Variants in CHCHD6 observed in about 807,000 individuals in gnomAD.
The protein encoded by CHCHD6 is coiled-coil-helix-coiled-coil-helix domain containing 6.
CHCHD6 carries 28 observed loss-of-function variants against 32.3 expected under a neutral mutation model. That is an observed-to-expected ratio of 0.87 (90% CI 0.64 to 1.19). CHCHD6 has a LOEUF of 1.19. CHCHD6 is among the 50% of genes most tolerant of loss of function. The pLI is 0.00. For missense variants in CHCHD6, 333 were observed against 307.0 expected, an observed-to-expected ratio of 1.08 and a Z score of -0.63; for synonymous variants, 122 against 117.5, an observed-to-expected ratio of 1.04 and a Z score of -0.25.
chr3:126,887,181 A>G (rs779798414), intron 5 of CHCHD6, among the ~76,000 whole-genome samples: 14 of 152,196 alleles, frequency 9.2e-5, no homozygotes, highest in Admixed American at 3.3e-4. Context: ...CAAGGCCAGA[A>G]TGGGAATCCT....
At chr3:126,883,794 C>T (rs115519429) in intron 5 of CHCHD6, among the ~76,000 whole-genome samples, 3,092 of 152,328 alleles carry the variant, frequency 0.02, 45 homozygotes, top group Non-Finnish European at 0.033. Context: ...TCTGTCTCTG[C>T]ATACTCTGGG....
At chr3:126,804,007 T>G (rs553747262) in intron 4 of CHCHD6, among the ~76,000 whole-genome samples, 2 of 152,118 alleles carry the variant, frequency 1.3e-5, no homozygotes, top group Non-Finnish European at 2.9e-5. Context: ...GATGTTCTTT[T>G]AAACCAACGA....
chr3:126,715,675 A>G (rs1394624919), intron 1 of CHCHD6, among the ~76,000 whole-genome samples: 1 of 152,172 alleles, frequency 6.6e-6, no homozygotes, highest in East Asian at 1.9e-4. Context: ...ATGTGGCTCA[A>G]TAATGATGCC....
chr3:126,922,797 A>G (rs2078271319), intron 6 of CHCHD6, among the ~76,000 whole-genome samples: 1 of 152,236 alleles, frequency 6.6e-6, no homozygotes, highest in Non-Finnish European at 1.5e-5. Context: ...GCCAGTGCTT[A>G]CAGAGTTCTG....
At chr3:126,809,312 G>T (rs957172952) in intron 4 of CHCHD6, among the ~76,000 whole-genome samples, 15 of 152,086 alleles carry the variant, frequency 9.9e-5, no homozygotes, top group Admixed American at 9.2e-4. Flanking sequence ...TCCGCCTCTT[G>T]GTAGCCACTG....
chr3:126,729,640 G>A (rs1259971290), intron 2 of CHCHD6, among the ~76,000 whole-genome samples: 1 of 152,130 alleles, frequency 6.6e-6, no homozygotes, highest in Non-Finnish European at 1.5e-5. Flanking sequence ...CATGGGAGGT[G>A]CTCTCCTCCC....
rs150926819 is a variant in CHCHD6, at chr3:126,831,982, C to G, written c.412-20665C>G. Among the ~76,000 whole-genome samples the G allele has an allele frequency of 1.8e-3, 268 of 152,250 alleles. 1 individual carries two copies. The highest frequency in any genetic ancestry group is 6.2e-3 in the African/African-American group (256 of 41,552). On this transcript the variant is annotated intron_variant, in intron 4 of 7. Coordinates refer to ENST00000290913, the MANE Select transcript of CHCHD6 (RefSeq NM_032343.3). ...AAGGGATAAAAAGATGGGATAAATG[C>G]TTTTCAAATATGTCTAAAAATATTT... is the stretch of plus-strand genomic sequence containing the variant.
chr3:126,866,408 T>C (rs896533855), intron 5 of CHCHD6, among the ~76,000 whole-genome samples: 2 of 152,172 alleles, frequency 1.3e-5, no homozygotes, highest in African/African-American at 2.4e-5. Flanking sequence ...GCGTTCTGAG[T>C]GTGTCACATG....
At chr3:126,735,170 T>C (rs2107660659) in intron 4 of CHCHD6, among the ~76,000 whole-genome samples, 1 of 152,282 alleles carries the variant, frequency 6.6e-6, no homozygotes, top group African/African-American at 2.4e-5. Flanking sequence ...GTTGGCCTCC[T>C]CTAGAGGTGG....
intron 4 of CHCHD6, among the ~76,000 whole-genome samples, chr3:126,806,983 A>T (rs1394365253): frequency 7.1e-6 from 1 of 140,974 alleles, no homozygotes; most frequent in African/African-American, 2.6e-5. Flanking sequence ...TCATTCATAG[A>T]TGGGAATTGA....
At chr3:126,782,526 C>T (rs941882322) in intron 4 of CHCHD6, among the ~76,000 whole-genome samples, 2 of 152,162 alleles carry the variant, frequency 1.3e-5, no homozygotes, top group African/African-American at 4.8e-5. Flanking sequence ...CTAACTCAAG[C>T]AAAATGATGT....
chr3:126,767,788 C>G (rs1243561713), intron 4 of CHCHD6, among the ~76,000 whole-genome samples: 1 of 152,104 alleles, frequency 6.6e-6, no homozygotes, highest in South Asian at 2.1e-4. Flanking sequence ...TGTTATTCCC[C>G]TCCTAGTATC....
intron 4 of CHCHD6, among the ~76,000 whole-genome samples, chr3:126,831,944 T>C (rs1201010147): frequency 6.6e-6 from 1 of 152,220 alleles, no homozygotes; most frequent in African/African-American, 2.4e-5. Context: ...TGTCTTGGGA[T>C]CTTCCCTGGA....
intron 4 of CHCHD6, among the ~76,000 whole-genome samples, chr3:126,736,920 C>T (rs1160111211): frequency 6.6e-6 from 1 of 152,122 alleles, no homozygotes; most frequent in Non-Finnish European, 1.5e-5. Flanking sequence ...GTAATCAAGT[C>T]CTGGGTGAGG....
chr3:126,853,161 G>A (rs539190241), intron 5 of CHCHD6, among the ~76,000 whole-genome samples: 7 of 151,228 alleles, frequency 4.6e-5, no homozygotes, highest in Non-Finnish European at 1.0e-4. Context: ...TGGGAGTCGG[G>A]AAGATCAAAG....
At chr3:126,807,227 C>G (rs1456250989) in intron 4 of CHCHD6, among the ~76,000 whole-genome samples, 1 of 151,514 alleles carries the variant, frequency 6.6e-6, no homozygotes, top group Non-Finnish European at 1.5e-5. Context: ...CCAAAACATT[C>G]AGCCTCCATA....
intron 6 of CHCHD6, among the ~76,000 whole-genome samples, chr3:126,926,753 G>T (rs538924379): frequency 6.6e-6 from 1 of 152,158 alleles, no homozygotes; most frequent in African/African-American, 2.4e-5. Context: ...AGGCTTTTAA[G>T]CAGGGAATTG....
At chr3:126,788,112 T>C (rs1938318532) in intron 4 of CHCHD6, among the ~76,000 whole-genome samples, 1 of 152,248 alleles carries the variant, frequency 6.6e-6, no homozygotes, top group South Asian at 2.1e-4. Flanking sequence ...GTTCTGTTTA[T>C]ATGATGGATT....
At chr3:126,804,914 G>A (rs1485458340) in intron 4 of CHCHD6, among the ~76,000 whole-genome samples, 6 of 151,962 alleles carry the variant, frequency 3.9e-5, no homozygotes, top group African/African-American at 1.5e-4. Context: ...ATCAATAAAT[G>A]TAATCCAGCA....
Sources: allele counts gnomAD v4.1 joint callset (sites outside exome capture counted in the v4.1 genomes callset), GRCh38; gene constraint gnomAD v4.1.1; transcripts MANE v1.5; gene names NCBI Gene and HGNC (gene_info 2026-07-23, HGNC 2026-07-21).